Variants in DIPK1A observed in about 807,000 individuals in gnomAD.
DIPK1A encodes family with sequence similarity 69 member A.
A neutral mutation model predicts 40.8 loss-of-function variants in DIPK1A; 27 were observed. The observed-to-expected ratio is 0.66, with a 90% CI of 0.49 to 0.91. The LOEUF is 0.91. Among genes scored for constraint, DIPK1A ranks in the 40% least tolerant of loss-of-function variants. DIPK1A has a pLI of 0.00. For missense variants in DIPK1A, 412 were observed against 505.7 expected (o/e 0.81, Z 1.78); for synonymous variants, 166 against 171.3 (o/e 0.97, Z 0.24).
intron 1 of DIPK1A, among the ~76,000 whole-genome samples, chr1:92,961,166 G>A (rs1652068984): frequency 6.6e-6 from 1 of 151,424 alleles, no homozygotes; most frequent in Non-Finnish European, 1.5e-5. Flanking sequence ...CGCGGCGCGG[G>A]AGCCGCGAGG....
chr1:92,940,785 C>A (rs140721723), intron 1 of DIPK1A, among the ~76,000 whole-genome samples: 157 of 152,300 alleles, frequency 1.0e-3, no homozygotes, highest in African/African-American at 3.6e-3. Flanking sequence ...TGCGTCCTTG[C>A]CAGCATTTGG....
downstream of DIPK1A, among the ~76,000 whole-genome samples, chr1:92,841,507 A>G (rs1309144202): frequency 6.6e-6 from 1 of 152,188 alleles, no homozygotes; most frequent in East Asian, 1.9e-4. Context: ...GCAAATACCT[A>G]GAAGTGGTAT....
rs33962424 is a variant in DIPK1A at position 92,868,965 on chromosome 1, T to TAA, written c.189+7329_189+7330dup. Among the ~76,000 whole-genome samples the TAA allele has an allele frequency of 1.5e-4, 21 of 136,652 alleles. 2 individuals are homozygous for TAA. The highest frequency in any genetic ancestry group is 2.0e-4 in the Non-Finnish European group (13 of 64,810). The allele number at this position is 136,652 out of a possible 152,430, so 89.6% of individuals were successfully genotyped here. On this transcript the variant is annotated intron_variant, in intron 2 of 4. Coordinates refer to ENST00000370310, the MANE Select transcript of DIPK1A (RefSeq NM_001006605.5). ...TGTGTGACAGAGTGAGACTCAATCT[T>TAA]AAAAAAAAAAAAAGCTCCTAAGGCA...
chr1:92,834,890 A>T, intron 4 of DIPK1A: 1 of 1,602,832 alleles, frequency 6.2e-7, no homozygotes, highest in Non-Finnish European at 8.5e-7. Flanking sequence ...AGCATATTGT[A>T]CTGGCCTGCT....
At chr1:92,910,048 G>C (rs1174195198) in intron 1 of DIPK1A, among the ~76,000 whole-genome samples, 1 of 152,122 alleles carries the variant, frequency 6.6e-6, no homozygotes, top group Non-Finnish European at 1.5e-5. Flanking sequence ...TAAGAACCTA[G>C]GGCAAGCTCT....
Position 92,958,869 on chromosome 1 carries a change from T to G in DIPK1A, c.54+2507A>C, listed in dbSNP as rs188924652. On this transcript the variant is annotated intron_variant, in intron 1 of 4. Transcript: ENST00000370310. ...CTAGAAAGGGGTGGGAAAAATAAAT[T>G]GTTATTAACTTTGTTAGGCATGATA... Among the ~76,000 whole-genome samples the G allele has an allele frequency of 2.0e-3, 305 of 152,318 alleles. 4 individuals carry two copies. Among genetic ancestry groups the G allele is most frequent in the African/African-American group, 6.6e-3 (275 of 41,570 alleles).
At chr1:92,897,508 G>A (rs1035354890) in intron 1 of DIPK1A, among the ~76,000 whole-genome samples, 4 of 152,112 alleles carry the variant, frequency 2.6e-5, no homozygotes, top group African/African-American at 9.7e-5. Context: ...GCCTGTTGTG[G>A]GGTGGGCGGA....
Position 92,843,794 on chromosome 1 carries a change from C to T in DIPK1A, c.876G>A (p.Met292Ile), listed in dbSNP as rs1459232508. The part of the protein sequence containing the change: ...VFHGPYGNFL[M>I]CDTSAKNLGY... The stretch of plus-strand genomic sequence containing the variant: ...CTAGGTTTTTGGCACTAGTATCGCA[C>T]ATGAGGAAATTTCCGTAGGGGCCAT... The change falls in exon 5 of 5, where the codon ATG (methionine) becomes ATA (isoleucine). Residue 292 changes from methionine (M) to isoleucine (I), a missense_variant. Transcript: ENST00000370310. 1 of 1,551,942 alleles carries T rather than the reference C, an allele frequency of 6.4e-7. No individual in the cohort carries two copies. The highest frequency in any genetic ancestry group is 1.4e-5 in the African/African-American group (1 of 73,160).
At chr1:92,856,951 C>T (rs1296204377) in intron 2 of DIPK1A, among the ~76,000 whole-genome samples, 2 of 151,854 alleles carry the variant, frequency 1.3e-5, no homozygotes, top group Admixed American at 6.6e-5. Flanking sequence ...ATTCATAGTA[C>T]GAAATACTAT....
At chr1:92,837,607 A>C, downstream of DIPK1A, 1 of 1,612,192 alleles carries the variant, frequency 6.2e-7, no homozygotes, top group Non-Finnish European at 8.5e-7. Flanking sequence ...CTCTCAATAC[A>C]TAAAGAACAG....
chr1:92,844,908 T>G (rs1687523653), intron 4 of DIPK1A, among the ~76,000 whole-genome samples: 1 of 151,438 alleles, frequency 6.6e-6, no homozygotes, highest in Non-Finnish European at 1.5e-5. Flanking sequence ...AAAACTTTGT[T>G]TTATTTCTAT....
At chr1:92,832,762 T>G in exon 5 of DIPK1A, 1 of 483,904 alleles carries the variant, frequency 2.1e-6, no homozygotes, top group Non-Finnish European at 3.7e-6. Context: ...GCCCCAAGGG[T>G]GGGATGAAAT....
In DIPK1A at chr1:92,934,885, G is replaced by C. The variant is rs1445866671; in HGVS notation, c.54+26491C>G. On this transcript the variant is annotated intron_variant, in intron 1 of 4. Transcript: ENST00000370310. ...GACAACAATGGAAGTTCTACAGATGGAGATTGATTGCTGGCTGGCTGGCGG... is the reference window on the plus strand; with the variant it reads ...GACAACAATGGAAGTTCTACAGATGCAGATTGATTGCTGGCTGGCTGGCGG... Among the ~76,000 whole-genome samples the C allele has an allele frequency of 3.5e-4, 54 of 152,194 alleles. 1 individual carries two copies. Among genetic ancestry groups the C allele is most frequent in the Admixed American group, 3.5e-3 (54 of 15,278 alleles).
chr1:92,870,319 A>G (rs1291223602), intron 2 of DIPK1A, among the ~76,000 whole-genome samples: 1 of 152,090 alleles, frequency 6.6e-6, no homozygotes, highest in Non-Finnish European at 1.5e-5. Flanking sequence ...TCTGCCTCCC[A>G]GGTTCCAGCG....
rs1020647979 is a variant in DIPK1A at position 92,948,897 on chromosome 1, C to T, written c.54+12479G>A. On this transcript the variant is annotated intron_variant, in intron 1 of 4. Coordinates refer to ENST00000370310, the MANE Select transcript of DIPK1A (RefSeq NM_001006605.5). The stretch of plus-strand genomic sequence containing the variant: ...TTGGCTCACTGCAGCCTCCACCTCC[C>T]GGGTTCAAGCGATTCTCCTGCCTCA... Among the ~76,000 whole-genome samples, 9 of 150,512 alleles carry T rather than the reference C, an allele frequency of 6.0e-5. No individual in the cohort carries two copies. The South Asian group carries it at 6.3e-4, about 11-fold the overall frequency.
intron 1 of DIPK1A, among the ~76,000 whole-genome samples, chr1:92,885,518 G>A (rs1474541537): frequency 6.6e-6 from 1 of 152,112 alleles, no homozygotes; most frequent in Non-Finnish European, 1.5e-5. Context: ...ACCACACCCA[G>A]CTAATTTTTG....
chr1:92,837,197 C>CT, downstream of DIPK1A: 1 of 625,686 alleles, frequency 1.6e-6, no homozygotes, highest in Admixed American at 2.1e-5. Flanking sequence ...TGCTGGATGA[C>CT]TAATTTTGTA....
In DIPK1A at chr1:92,844,204, A is replaced by C. The variant is rs1288627161; in HGVS notation, c.475-9T>G. 7.2e-6 allele frequency: 11 copies of C among 1,532,540 alleles called. No homozygotes were observed. The highest frequency in any genetic ancestry group is 4.1e-5 in the African/African-American group (3 of 72,388). The allele number at this position is 1,532,540 out of a possible 1,614,324, so 94.9% of individuals were successfully genotyped here. Reference sequence around the variant, plus strand: ...TGGTCACCCAATTTTGCCTGTCAAGAATTTGGCTAGTTACACAGAAGGAAT... The same window carrying C: ...TGGTCACCCAATTTTGCCTGTCAAGCATTTGGCTAGTTACACAGAAGGAAT... On this transcript the variant is annotated splice_polypyrimidine_tract_variant and intron_variant, in intron 4 of 4. Transcript: ENST00000370310.
At chr1:92,908,417 A>T (rs981233598) in intron 1 of DIPK1A, among the ~76,000 whole-genome samples, 4 of 152,242 alleles carry the variant, frequency 2.6e-5, no homozygotes, top group Non-Finnish European at 5.9e-5. Flanking sequence ...ATGTTGTAAC[A>T]CAGAAATCAT....
Sources: allele counts gnomAD v4.1 joint callset (sites outside exome capture counted in the v4.1 genomes callset), GRCh38; gene constraint gnomAD v4.1.1; transcripts MANE v1.5; gene names NCBI Gene and HGNC (gene_info 2026-07-23, HGNC 2026-07-21).